CCDC125: variants seen among roughly 807,000 people sequenced by gnomAD.
CCDC125 encodes the protein coiled-coil domain containing 125, also known as coiled-coil domain-containing protein 125.
In CCDC125, 43 loss-of-function variants were observed where a neutral mutation model predicts 57.4. The observed-to-expected ratio is 0.75, with a 90% CI of 0.59 to 0.97. The LOEUF is 0.97. Ranked by LOEUF, CCDC125 falls within the 50% of genes least tolerant of loss-of-function variation. The pLI is 0.00. For synonymous variants in CCDC125, 187 were observed against 195.2 expected (o/e 0.96, Z 0.35); for missense variants, 563 against 595.7 (o/e 0.95, Z 0.57).
At chr5:69,294,174 C>G (rs771373843) in intron 9 of CCDC125, 85 of 971,790 alleles carry the variant, frequency 8.7e-5, no homozygotes, top group Non-Finnish European at 1.0e-4. Flanking sequence ...TGATTTTAAG[C>G]ATAAATGTAC....
At chr5:69,310,984 G>C in intron 4 of CCDC125, 134 bp downstream of exon 4, 1 of 497,654 alleles carries the variant, frequency 2.0e-6, no homozygotes, top group Non-Finnish European at 3.6e-6. Context: ...AAATTATAAA[G>C]CTCTTAAAAA....
rs1752405861 is a variant in CCDC125, at chr5:69,280,376, TGTG to T, written c.*2350_*2352del. 1 of 151,906 alleles carries T rather than the reference TGTG, an allele frequency of 6.6e-6. No homozygotes were observed. The highest frequency in any genetic ancestry group is 6.6e-5 in the Admixed American group (1 of 15,260). The allele number at this position is 151,906 out of a possible 1,614,324, so 9.4% of individuals were successfully genotyped here. ...GGAAATTTAAGATGCTACTGAGACA[TGTG>T]GTGTATGAACAAGCATTAACAGCTA... On this transcript the variant is annotated 3_prime_UTR_variant, in exon 12 of 12. Transcript: ENST00000396496.
At chr5:69,298,407 T>G (rs975973278) in intron 8 of CCDC125, among the ~76,000 whole-genome samples, 1 of 152,234 alleles carries the variant, frequency 6.6e-6, no homozygotes, top group Non-Finnish European at 1.5e-5. Flanking sequence ...CCTCCCTTAG[T>G]GTAAAGGCCA....
At chr5:69,284,515 G>A (rs1381572265) in intron 11 of CCDC125, among the ~76,000 whole-genome samples, 1 of 152,106 alleles carries the variant, frequency 6.6e-6, no homozygotes, top group African/African-American at 2.4e-5. Flanking sequence ...AAGCTGGCTG[G>A]AGTTAACTAC....
chr5:69,297,044 CG>C (rs1321430161), intron 8 of CCDC125, among the ~76,000 whole-genome samples: 1 of 152,156 alleles, frequency 6.6e-6, no homozygotes, highest in Non-Finnish European at 1.5e-5. Flanking sequence ...CACAACATAG[CG>C]TGCCATATAT....
At chr5:69,285,544 G>T in intron 10 of CCDC125, 77 bp from the exon 11 acceptor site, 4 of 1,420,334 alleles carry the variant, frequency 2.8e-6, no homozygotes, top group South Asian at 1.4e-5. Context: ...GAGGTAACTT[G>T]ATCTCTAGGA....
chr5:69,326,675 C>T (rs1483392227), intron 1 of CCDC125, among the ~76,000 whole-genome samples: 2 of 152,114 alleles, frequency 1.3e-5, no homozygotes, highest in South Asian at 2.1e-4. Context: ...ATCATGGGTA[C>T]GCCTTCCTGC....
At chr5:69,276,248 C>T (rs1446261941), downstream of CCDC125, among the ~76,000 whole-genome samples, 3 of 152,062 alleles carry the variant, frequency 2.0e-5, no homozygotes, top group Non-Finnish European at 4.4e-5. Flanking sequence ...AAGCTGATCT[C>T]GAACTTCTGA....
At chr5:69,285,987 A>G (rs1218092928) in intron 10 of CCDC125, among the ~76,000 whole-genome samples, 1 of 151,732 alleles carries the variant, frequency 6.6e-6, no homozygotes, top group East Asian at 1.9e-4. Context: ...TAAAATGAGA[A>G]TAGCATTACC....
downstream of CCDC125, chr5:69,276,689 A>C: frequency 6.2e-7 from 1 of 1,611,156 alleles, no homozygotes; most frequent in Non-Finnish European, 8.5e-7. Context: ...CCTTAGAACA[A>C]GGTAAGATTC....
chr5:69,274,068 A>G, the CCDC125 span, among the ~76,000 whole-genome samples: 3 of 152,282 alleles, frequency 2.0e-5, no homozygotes, highest in Admixed American at 6.5e-5. Context: ...CTTTTCACTC[A>G]TACTTCTATG....
intron 7 of CCDC125, among the ~76,000 whole-genome samples, chr5:69,300,609 C>T (rs1246816323): frequency 2.6e-5 from 4 of 152,066 alleles, no homozygotes; most frequent in African/African-American, 9.7e-5. Flanking sequence ...GAGCAGAAAA[C>T]AGTATCTTTT....
In CCDC125 at chr5:69,298,932, G is replaced by A. The variant is rs574838670; in HGVS notation, c.816+1080C>T. ...GACACCAGGCAAATTACCTAACCCC[G>A]CAATGCCTCTGTTACCTCATTTGTG... On this transcript the variant is annotated intron_variant, in intron 8 of 11. Transcript: ENST00000396496. Among the ~76,000 whole-genome samples, 5 of 152,150 alleles carry A rather than the reference G, an allele frequency of 3.3e-5. No individual in the cohort carries two copies. The South Asian group carries it at 8.3e-4, about 25-fold the overall frequency.
In CCDC125 at chr5:69,282,603, A is replaced by G; in HGVS notation, c.*126T>C. The stretch of plus-strand genomic sequence containing the variant: ...ATGTAGAAAATATTTGATTTAAGTG[A>G]CCTCCTAAAATTTAGAAATACCTAG... On this transcript the variant is annotated 3_prime_UTR_variant, in exon 12 of 12. Coordinates refer to ENST00000396496, the MANE Select transcript of CCDC125 (RefSeq NM_176816.5). 1.4e-6 allele frequency: 1 copy of G among 713,184 alleles called. No homozygotes were observed. The highest frequency in any genetic ancestry group is 2.3e-6 in the Non-Finnish European group (1 of 439,244). The allele number at this position is 713,184 out of a possible 1,614,324, so 44.2% of individuals were successfully genotyped here. A position where few individuals can be genotyped will look rare whatever the true frequency, so the allele number is the denominator to read the frequency against.
At chr5:69,330,504 G>C (rs1055202882) in intron 1 of CCDC125, among the ~76,000 whole-genome samples, 1 of 151,916 alleles carries the variant, frequency 6.6e-6, no homozygotes, top group Non-Finnish European at 1.5e-5. Flanking sequence ...TGAGGCAGGA[G>C]AATCGCTTGA....
rs1752604137 is a variant in CCDC125 at position 69,282,704 on chromosome 5, A to G, written c.*25T>C. 6.5e-7 allele frequency: 1 copy of G among 1,528,378 alleles called. No homozygotes were observed. The highest frequency in any genetic ancestry group is 2.2e-5 in the Admixed American group (1 of 45,204). 94.7% of individuals were successfully genotyped at this position (1,528,378 alleles called of 1,614,324 possible). The stretch of plus-strand genomic sequence containing the variant: ...AAGTATCTCGATATAAACAACTCTC[A>G]GTTCCAATTTCAACTGGCTTGTCTT... On this transcript the variant is annotated 3_prime_UTR_variant, in exon 12 of 12. Transcript: ENST00000396496.
At chr5:69,289,253 C>T (rs1217738012) in intron 10 of CCDC125, among the ~76,000 whole-genome samples, 1 of 152,196 alleles carries the variant, frequency 6.6e-6, no homozygotes, top group Non-Finnish European at 1.5e-5. Context: ...CTAAGAAGAT[C>T]TGCCTTCAAT....
intron 9 of CCDC125, among the ~76,000 whole-genome samples, chr5:69,293,815 A>G (rs1754892684): frequency 6.6e-6 from 1 of 152,146 alleles, no homozygotes; most frequent in Admixed American, 6.6e-5. Context: ...CATACCTTCA[A>G]TAAAGGTAAA....
intron 10 of CCDC125, 71 bp from the exon 11 acceptor site, chr5:69,285,538 T>A: frequency 6.9e-7 from 1 of 1,456,994 alleles, no homozygotes; most frequent in African/African-American, 1.4e-5. Context: ...GCAAAAGAGG[T>A]AACTTGATCT....
Sources: gnomAD v4.1 joint callset for allele counts (sites outside exome capture counted in the v4.1 genomes callset) on GRCh38, gnomAD v4.1.1 for gene constraint, MANE v1.5 for transcripts, NCBI Gene and HGNC (gene_info 2026-07-23, HGNC 2026-07-21) for gene names.